Variants in FOXO3 observed in about 807,000 individuals in gnomAD.
The protein encoded by FOXO3 is forkhead box protein O3.
In FOXO3, 4 loss-of-function variants were observed where a neutral mutation model predicts 41.9. That is an observed-to-expected ratio of 0.10 (90% confidence interval 0.05 to 0.22). The LOEUF (loss-of-function observed/expected upper bound fraction) is 0.22. Ranked by LOEUF, FOXO3 falls within the 10% of genes least tolerant of loss-of-function variation. The pLI, the probability that FOXO3 is intolerant of heterozygous loss-of-function variation, is 1.00. For synonymous variants in FOXO3, 318 were observed against 389.3 expected (o/e 0.82, Z 2.16); for missense variants, 534 against 906.8 (o/e 0.59, Z 5.28).
intron 1 of FOXO3, among the ~76,000 whole-genome samples, chr6:108,575,394 A>G (rs1003965797): frequency 2.8e-5 from 4 of 141,824 alleles, no homozygotes; most frequent in Non-Finnish European, 4.4e-5. Flanking sequence ...AAAAAAAAAG[A>G]AAAGAAAAAA....
chr6:108,634,166 C>G (rs905999110), intron 1 of FOXO3, among the ~76,000 whole-genome samples: 13 of 152,140 alleles, frequency 8.5e-5, no homozygotes, highest in Admixed American at 2.6e-4. Context: ...TAATTTGCAA[C>G]AGGAGGCATG....
chr6:108,665,894 T>G (rs1431611032), intron 2 of FOXO3, among the ~76,000 whole-genome samples: 2 of 151,932 alleles, frequency 1.3e-5, no homozygotes, highest in African/African-American at 4.8e-5. Flanking sequence ...GTGCTTCTGC[T>G]TGTTCACCAA....
rs1156923290 is a variant in FOXO3 at position 108,678,869 on chromosome 6, C to CTTTTTTTTTTTT, written c.*35-947_*35-936dup. 8.0e-4 allele frequency among the ~76,000 whole-genome samples: 44 copies of CTTTTTTTTTTTT among 55,016 alleles called. 2 individuals carry two copies. The highest frequency in any genetic ancestry group is 1.2e-3 in the African/African-American group (26 of 21,876). The allele number at this position is 55,016 out of a possible 152,430, so 36.1% of individuals were successfully genotyped here. ...ATAGCAAGACCCCATTTCTTAAATT[C>CTTTTTTTTTTTT]TTTTTTTTTTTTTTTTTTTTTTGAG... is the stretch of plus-strand genomic sequence containing the variant. On this transcript the variant is annotated intron_variant, in intron 2 of 2. Transcript: ENST00000406360.
chr6:108,582,322 C>T (rs1776443480), intron 1 of FOXO3, among the ~76,000 whole-genome samples: 1 of 152,122 alleles, frequency 6.6e-6, no homozygotes, highest in Non-Finnish European at 1.5e-5. Context: ...GAGTTCCCAG[C>T]CTTGTGTTGT....
At chr6:108,579,336 G>C (rs1304919604) in intron 1 of FOXO3, among the ~76,000 whole-genome samples, 1 of 152,138 alleles carries the variant, frequency 6.6e-6, no homozygotes, top group Non-Finnish European at 1.5e-5. Flanking sequence ...AAGATTCCTG[G>C]GAAGGGTCAA....
At chr6:108,609,189 A>G (rs896703987) in intron 1 of FOXO3, among the ~76,000 whole-genome samples, 2 of 152,232 alleles carry the variant, frequency 1.3e-5, no homozygotes, top group African/African-American at 2.4e-5. Context: ...TAAGCTGAGT[A>G]AATGGATTAT....
At chr6:108,607,902 T>TA (rs1397423106) in intron 1 of FOXO3, among the ~76,000 whole-genome samples, 2 of 152,214 alleles carry the variant, frequency 1.3e-5, no homozygotes, top group Non-Finnish European at 2.9e-5. Flanking sequence ...CCCATCCTAA[T>TA]AGAAATGTAT....
intron 1 of FOXO3, among the ~76,000 whole-genome samples, chr6:108,593,691 TTTTTC>T (rs1245707168): frequency 6.6e-6 from 1 of 150,850 alleles, no homozygotes; most frequent in South Asian, 2.1e-4. Context: ...TTGCTGTGTA[TTTTTC>T]TTTTCTTTTC....
rs188270178 is a variant in FOXO3, at chr6:108,657,674, G to T, written c.622-5781G>T. Among the ~76,000 whole-genome samples the T allele has an allele frequency of 2.4e-3, 361 of 152,242 alleles. 1 individual carries two copies. The highest frequency in any genetic ancestry group is 3.5e-3 in the Non-Finnish European group (237 of 68,010). On this transcript the variant is annotated intron_variant, in intron 1 of 2. Coordinates refer to ENST00000406360, the MANE Select transcript of FOXO3 (RefSeq NM_001455.4). ...TAGACTATTTGGTAAGGTGACATAC[G>T]AATTAGTGAAAAATCATAGAATATT... is the stretch of plus-strand genomic sequence containing the variant.
chr6:108,663,403 T>C (rs955106424), intron 1 of FOXO3, 52 bp from the exon 2 acceptor site: 1 of 1,526,228 alleles, frequency 6.6e-7, no homozygotes, highest in Non-Finnish European at 8.8e-7. Flanking sequence ...ATCTGGGTGC[T>C]CGGTTTTGGA....
At chr6:108,675,243 G>C (rs1326841739) in intron 2 of FOXO3, among the ~76,000 whole-genome samples, 1 of 152,178 alleles carries the variant, frequency 6.6e-6, no homozygotes, top group African/African-American at 2.4e-5. Context: ...CCAGCCCTTT[G>C]TCCCTCAGCT....
intron 1 of FOXO3, among the ~76,000 whole-genome samples, chr6:108,574,379 A>G (rs914980246): frequency 6.6e-6 from 1 of 152,110 alleles, no homozygotes; most frequent in Non-Finnish European, 1.5e-5. Context: ...ATGGGGCCTT[A>G]TCGCAGAAAT....
chr6:108,603,007 A>T (rs1777096109), intron 1 of FOXO3, among the ~76,000 whole-genome samples: 2 of 152,196 alleles, frequency 1.3e-5, no homozygotes, highest in South Asian at 4.1e-4. Context: ...CTGAGATAAA[A>T]ATCTTTGGAT....
At chr6:108,566,999 C>T (rs931657423) in intron 1 of FOXO3, among the ~76,000 whole-genome samples, 1 of 152,188 alleles carries the variant, frequency 6.6e-6, no homozygotes, top group African/African-American at 2.4e-5. Context: ...TTTGCCAGGA[C>T]TTAGGGATAT....
chr6:108,645,614 T>C (rs1238782088), intron 1 of FOXO3, among the ~76,000 whole-genome samples: 2 of 152,220 alleles, frequency 1.3e-5, no homozygotes, highest in Admixed American at 6.5e-5. Flanking sequence ...GGAGGATTAC[T>C]GTTAGCCCTG....
intron 1 of FOXO3, among the ~76,000 whole-genome samples, chr6:108,632,206 A>AT (rs1004951109): frequency 2.0e-5 from 3 of 152,192 alleles, no homozygotes; most frequent in Non-Finnish European, 4.4e-5. Context: ...GCTAGGCGCT[A>AT]TGGGGTCTAC....
At chr6:108,652,015 G>A (rs1778559867) in intron 1 of FOXO3, among the ~76,000 whole-genome samples, 1 of 152,198 alleles carries the variant, frequency 6.6e-6, no homozygotes, top group Admixed American at 6.5e-5. Flanking sequence ...CAAGGGCCAG[G>A]CACTAGCAGA....
chr6:108,615,558 C>T (rs1259229974), intron 1 of FOXO3, among the ~76,000 whole-genome samples: 2 of 151,570 alleles, frequency 1.3e-5, no homozygotes, highest in African/African-American at 2.4e-5. Context: ...TCTTTAATTA[C>T]ATCTGTTCTT....
At chr6:108,669,843 CAG>C (rs1779164294) in intron 2 of FOXO3, among the ~76,000 whole-genome samples, 1 of 152,182 alleles carries the variant, frequency 6.6e-6, no homozygotes, top group African/African-American at 2.4e-5. Flanking sequence ...AGCATGGAGA[CAG>C]AGCCTGAGTG....
Sources: allele counts gnomAD v4.1 joint callset (sites outside exome capture counted in the v4.1 genomes callset), GRCh38; gene constraint gnomAD v4.1.1; transcripts MANE v1.5; gene names NCBI Gene and HGNC (gene_info 2026-07-23, HGNC 2026-07-21).